GSE1: variants seen among roughly 807,000 people sequenced by gnomAD.
GSE1 encodes genetic suppressor element 1.
In GSE1, 32 loss-of-function variants were observed where a neutral mutation model predicts 112.6. That is an observed-to-expected ratio of 0.28 (90% CI 0.21 to 0.38). GSE1 has a LOEUF of 0.38. Among genes scored for constraint, GSE1 ranks in the 10% least tolerant of loss-of-function variants. GSE1 has a pLI of 1.00. For synonymous variants in GSE1, 1,115 were observed against 735.6 expected (o/e 1.52, Z -8.35); for missense variants, 2,348 against 1,699.2 (o/e 1.38, Z -6.71).
In GSE1 at chr16:85,185,792, C is replaced by T. The variant is rs550934723; in HGVS notation, c.2283+13985C>T. On this transcript the variant is annotated intron_variant, in intron 1 of 2. Transcript: ENST00000637419. ...AAGTGCCTCAGGGGCTCCGTGCTGG[C>T]AGAAGGCCTCCTGCCCATGGTCTGA... Among the ~76,000 whole-genome samples, 4 of 152,362 alleles carry T rather than the reference C, an allele frequency of 2.6e-5. No homozygotes were observed. In the South Asian group the frequency reaches 8.3e-4, roughly 32 times the overall value.
chr16:85,401,437 G>C (rs955219423), intron 2 of GSE1, among the ~76,000 whole-genome samples: 7 of 152,180 alleles, frequency 4.6e-5, no homozygotes, highest in Non-Finnish European at 1.0e-4. Flanking sequence ...GAGCTCGGGG[G>C]CTCTGGATGG....
intron 1 of GSE1, among the ~76,000 whole-genome samples, chr16:85,181,567 AG>A (rs1209927714): frequency 9.9e-5 from 15 of 152,180 alleles, no homozygotes; most frequent in African/African-American, 3.6e-4. Flanking sequence ...TCAGTTCCGG[AG>A]GGAGAGGGTC....
intron 2 of GSE1, among the ~76,000 whole-genome samples, chr16:85,387,335 G>A (rs1368433774): frequency 1.3e-5 from 2 of 152,142 alleles, no homozygotes; most frequent in Non-Finnish European, 2.9e-5. Flanking sequence ...GGAGTGCTGC[G>A]AGGTCTGGCC....
chr16:85,385,595 G>C (rs975104958), intron 2 of GSE1, among the ~76,000 whole-genome samples: 1 of 152,200 alleles, frequency 6.6e-6, no homozygotes, highest in Admixed American at 6.5e-5. Flanking sequence ...TCTGCACCCA[G>C]CAAGTCCCGT....
At chr16:85,267,600 T>C (rs1156818161) in intron 1 of GSE1, among the ~76,000 whole-genome samples, 1 of 152,186 alleles carries the variant, frequency 6.6e-6, no homozygotes, top group Non-Finnish European at 1.5e-5. Context: ...GCAACAAGTA[T>C]TTTATTGAGC....
At chr16:85,221,816 C>T (rs2075398410) in intron 1 of GSE1, among the ~76,000 whole-genome samples, 1 of 152,216 alleles carries the variant, frequency 6.6e-6, no homozygotes, top group African/African-American at 2.4e-5. Flanking sequence ...CACACCCTAC[C>T]CCTTGCCGGG....
rs370454442 is a variant in GSE1 at position 85,581,483 on chromosome 16, C to T, written c.37+25120C>T. 9.2e-5 allele frequency among the ~76,000 whole-genome samples: 14 copies of T among 152,002 alleles called. No homozygotes were observed. In the South Asian group the frequency reaches 1.5e-3, roughly 16 times the overall value. ...TAGGATTCGGATTCTGGGGAGCTGA[C>T]GGGTTATCAGGCCCTCTGTTTCTGG... On this transcript the variant is annotated intron_variant, in intron 1 of 2. Coordinates refer to the GSE1 transcript ENST00000635906.
At chr16:85,541,881 C>T (rs551737297) in intron 2 of GSE1, among the ~76,000 whole-genome samples, 2 of 152,354 alleles carry the variant, frequency 1.3e-5, no homozygotes, top group Admixed American at 1.3e-4. Context: ...AGTCTCCCTC[C>T]CCAGCACTGG....
chr16:85,388,517 T>C (rs533143621), intron 2 of GSE1, among the ~76,000 whole-genome samples: 1 of 142,986 alleles, frequency 7.0e-6, no homozygotes, highest in South Asian at 2.3e-4. Flanking sequence ...GATGGATGGA[T>C]ACATAGGTGG....
chr16:85,322,955 C>T (rs74031790), intron 1 of GSE1, among the ~76,000 whole-genome samples: 208 of 152,254 alleles, frequency 1.4e-3, no homozygotes, highest in African/African-American at 4.6e-3. Flanking sequence ...CAGACGACTT[C>T]GGGGTCAGTG....
At chr16:85,447,340 G>A (rs547576097) in intron 2 of GSE1, among the ~76,000 whole-genome samples, 4 of 152,220 alleles carry the variant, frequency 2.6e-5, no homozygotes, top group East Asian at 1.9e-4. Flanking sequence ...ATATAAACAC[G>A]TGGTGGCCAG....
At chr16:85,611,411 CG>C, upstream of GSE1, 1 of 960,020 alleles carries the variant, frequency 1.0e-6, no homozygotes, top group Non-Finnish European at 1.2e-6. Context: ...GCCGAGCCAC[CG>C]TGTGGTGCGT....
chr16:85,339,351 G>A (rs1400084256), intron 1 of GSE1, among the ~76,000 whole-genome samples: 1 of 152,152 alleles, frequency 6.6e-6, no homozygotes, highest in Non-Finnish European at 1.5e-5. Context: ...CCAGGGCTGT[G>A]CTCGCTCCAG....
intron 2 of GSE1, among the ~76,000 whole-genome samples, chr16:85,439,409 G>A (rs1597757932): frequency 1.3e-5 from 2 of 152,238 alleles, no homozygotes; most frequent in South Asian, 2.1e-4. Flanking sequence ...GGAGGCTGGG[G>A]GTGCCCCTCC....
intron 2 of GSE1, among the ~76,000 whole-genome samples, chr16:85,397,891 T>G (rs2048004870): frequency 1.3e-5 from 2 of 150,430 alleles, no homozygotes; most frequent in Admixed American, 6.6e-5. Context: ...TGGAAGCAAA[T>G]GAGCCCCGCA....
exon 1 of GSE1, chr16:85,556,023 C>T: frequency 2.0e-6 from 2 of 985,066 alleles, no homozygotes; most frequent in Non-Finnish European, 2.4e-6. Flanking sequence ...CCCGGGCAGC[C>T]GTGGAGGCTC....
intron 1 of GSE1, among the ~76,000 whole-genome samples, chr16:85,605,381 T>A (rs1402601402): frequency 6.6e-6 from 1 of 152,092 alleles, no homozygotes; most frequent in Non-Finnish European, 1.5e-5. Context: ...CCTGCCCATC[T>A]GGTCTGGCGC....
chr16:85,387,920 GTGGATGGATGGA>G (rs58007210), intron 2 of GSE1, among the ~76,000 whole-genome samples: 2 of 148,968 alleles, frequency 1.3e-5, no homozygotes, highest in South Asian at 2.1e-4. Flanking sequence ...AGGTGGGTGA[GTGGATGGATGGA>G]TGGATGGATG....
intron 1 of GSE1, among the ~76,000 whole-genome samples, chr16:85,197,148 G>A (rs1401294333): frequency 1.3e-5 from 2 of 152,144 alleles, no homozygotes; most frequent in Non-Finnish European, 2.9e-5. Flanking sequence ...TGGCCCCTCG[G>A]AGCTCGGAGC....
Sources: gnomAD v4.1 joint callset for allele counts (sites outside exome capture counted in the v4.1 genomes callset) on GRCh38, gnomAD v4.1.1 for gene constraint, MANE v1.5 for transcripts, NCBI Gene and HGNC (gene_info 2026-07-23, HGNC 2026-07-21) for gene names.